Variants in TSPAN15 observed in about 807,000 individuals in gnomAD.
The protein encoded by TSPAN15 is tetraspanin 15.
In TSPAN15, 20 loss-of-function variants were observed where a neutral mutation model predicts 34.5. The observed-to-expected ratio is 0.58, with a 90% CI of 0.41 to 0.84. The LOEUF is 0.84. Among genes scored for constraint, TSPAN15 ranks in the 40% least tolerant of loss-of-function variants. TSPAN15 has a pLI of 0.00. For missense variants in TSPAN15, 313 were observed against 386.1 expected, an observed-to-expected ratio of 0.81 and a Z score of 1.59; for synonymous variants, 155 against 153.9, an observed-to-expected ratio of 1.01 and a Z score of -0.05.
chr10:69,521,247 C>T, the TSPAN15 span, among the ~76,000 whole-genome samples: 32 of 152,050 alleles, frequency 2.1e-4, no homozygotes, highest in Non-Finnish European at 3.5e-4. Context: ...TGGTGGCTCA[C>T]GCCTGTAATC....
the TSPAN15 span, among the ~76,000 whole-genome samples, chr10:69,539,633 C>A: frequency 6.6e-6 from 1 of 151,998 alleles, no homozygotes; most frequent in Non-Finnish European, 1.5e-5. Context: ...GAACAGGGCT[C>A]CAACCAGAGA....
intron 1 of TSPAN15, among the ~76,000 whole-genome samples, chr10:69,476,490 G>A (rs1841616012): frequency 6.6e-6 from 1 of 151,352 alleles, no homozygotes; most frequent in Admixed American, 6.6e-5. Flanking sequence ...TCAGGAGATC[G>A]AGGCTGCAGT....
At chr10:69,463,113 G>A (rs1457560678) in intron 1 of TSPAN15, among the ~76,000 whole-genome samples, 1 of 152,224 alleles carries the variant, frequency 6.6e-6, no homozygotes, top group East Asian at 1.9e-4. Flanking sequence ...TGCTCTAAAG[G>A]CAAGGTTTCT....
At chr10:69,517,970 C>T in the TSPAN15 span, among the ~76,000 whole-genome samples, 1 of 152,234 alleles carries the variant, frequency 6.6e-6, no homozygotes, top group African/African-American at 2.4e-5. Flanking sequence ...CCTCCCAAGA[C>T]ACATAGTAGG....
chr10:69,531,773 T>C, the TSPAN15 span, among the ~76,000 whole-genome samples: 1 of 152,090 alleles, frequency 6.6e-6, no homozygotes, highest in African/African-American at 2.4e-5. Flanking sequence ...ATTATCTCAA[T>C]AGATGCAGAA....
At chr10:69,503,159 G>A (rs924233704) in intron 5 of TSPAN15, among the ~76,000 whole-genome samples, 2 of 152,170 alleles carry the variant, frequency 1.3e-5, no homozygotes, top group African/African-American at 4.8e-5. Flanking sequence ...TGCCCAGTGG[G>A]CACTGGGCAT....
the TSPAN15 span, among the ~76,000 whole-genome samples, chr10:69,539,413 G>A: frequency 8.4e-4 from 121 of 143,604 alleles, 5 homozygotes; most frequent in African/African-American, 3.2e-3. Flanking sequence ...GGAAGAGGAA[G>A]AGGAAGAAGA....
At chr10:69,487,773 AG>A (rs1241420027) in intron 3 of TSPAN15, among the ~76,000 whole-genome samples, 1 of 152,212 alleles carries the variant, frequency 6.6e-6, no homozygotes, top group African/African-American at 2.4e-5. Flanking sequence ...CGGAACATCC[AG>A]GGGCCCTTCA....
At chr10:69,474,074 G>C (rs879739199) in intron 1 of TSPAN15, among the ~76,000 whole-genome samples, 2 of 152,158 alleles carry the variant, frequency 1.3e-5, no homozygotes, top group Admixed American at 1.3e-4. Flanking sequence ...ATTCAGCCAG[G>C]TGTCCCCTGG....
At chr10:69,546,210 C>T in the TSPAN15 span, among the ~76,000 whole-genome samples, 1 of 152,180 alleles carries the variant, frequency 6.6e-6, no homozygotes, top group East Asian at 1.9e-4. Flanking sequence ...CCTAGGGGCC[C>T]ACCCAGGGCT....
chr10:69,502,850 T>A (rs547367837), intron 5 of TSPAN15, among the ~76,000 whole-genome samples: 2 of 152,288 alleles, frequency 1.3e-5, no homozygotes, highest in Non-Finnish European at 2.9e-5. Flanking sequence ...GTCACTCTTG[T>A]CACCTCCCTA....
intron 3 of TSPAN15, chr10:69,494,989 G>A (rs45471193): frequency 2.9e-5 from 15 of 511,146 alleles, no homozygotes; most frequent in Admixed American, 6.4e-5. Flanking sequence ...AGCCCTAGCC[G>A]AGGGGGACCG....
At chr10:69,523,233 T>A in the TSPAN15 span, 1 of 296,314 alleles carries the variant, frequency 3.4e-6, no homozygotes, top group South Asian at 4.9e-5. Flanking sequence ...TTATTTGCCT[T>A]TCCCTTTTAA....
At chr10:69,520,913 G>A in the TSPAN15 span, among the ~76,000 whole-genome samples, 18,558 of 151,958 alleles carry the variant, frequency 0.12, 1,396 homozygotes, top group Non-Finnish European at 0.16. Flanking sequence ...TTTCCATAGT[G>A]GTTGCACTGT....
chr10:69,494,831 G>GC, intron 3 of TSPAN15: 1 of 985,604 alleles, frequency 1.0e-6, no homozygotes, highest in South Asian at 4.7e-5. Context: ...AGTGAGCTGG[G>GC]CTGCCCACGC....
Position 69,477,064 on chromosome 10 carries a change from G to A in TSPAN15, c.97-6627G>A, listed in dbSNP as rs551088321. ...CCCTGGGGATGTGGGAGAGAAGACT[G>A]TTTTCTCCCGAGTAAGTTGGTGAAT... On this transcript the variant is annotated intron_variant, in intron 1 of 7. Coordinates refer to ENST00000373290, the MANE Select transcript of TSPAN15 (RefSeq NM_012339.5). Among the ~76,000 whole-genome samples, 14 of 152,246 alleles carry A rather than the reference G, an allele frequency of 9.2e-5. No homozygotes were observed. The South Asian group carries it at 2.9e-3, about 32-fold the overall frequency.
chr10:69,519,014 C>T, the TSPAN15 span, among the ~76,000 whole-genome samples: 3 of 152,198 alleles, frequency 2.0e-5, no homozygotes, highest in Admixed American at 1.3e-4. Flanking sequence ...AATGGGAGGA[C>T]TGTGGTATGC....
intron 3 of TSPAN15, among the ~76,000 whole-genome samples, chr10:69,486,038 C>A (rs1285843360): frequency 6.6e-6 from 1 of 152,218 alleles, no homozygotes; most frequent in African/African-American, 2.4e-5. Context: ...AGGATGTACG[C>A]ACCTCATACT....
the TSPAN15 span, among the ~76,000 whole-genome samples, chr10:69,539,961 CTT>C: frequency 3.4e-5 from 5 of 146,764 alleles, no homozygotes; most frequent in African/African-American, 7.5e-5. Context: ...AAAATGTAGT[CTT>C]TTTTTTTTTT....
Sources: gnomAD v4.1 joint callset for allele counts (sites outside exome capture counted in the v4.1 genomes callset) on GRCh38, gnomAD v4.1.1 for gene constraint, MANE v1.5 for transcripts, NCBI Gene and HGNC (gene_info 2026-07-23, HGNC 2026-07-21) for gene names.